Variants in CPA6 observed in about 807,000 individuals in gnomAD.
CPA6 encodes the protein carboxypeptidase B.
CPA6 carries 58 observed loss-of-function variants against 63.3 expected under a neutral mutation model. The ratio of observed to expected loss-of-function variants is 0.92; its 90% CI spans 0.74 to 1.14. The LOEUF (loss-of-function observed/expected upper bound fraction) is 1.14. Among genes scored for constraint, CPA6 ranks in the 50% most tolerant of loss-of-function variants. CPA6 has a pLI of 0.00. For synonymous variants in CPA6, 185 were observed against 179.0 expected, an observed-to-expected ratio of 1.03 and a Z score of -0.27; for missense variants, 565 against 526.6, an observed-to-expected ratio of 1.07 and a Z score of -0.71.
At chr8:67,518,429 G>A (rs748582515) in intron 2 of CPA6, among the ~76,000 whole-genome samples, 1 of 151,648 alleles carries the variant, frequency 6.6e-6, no homozygotes, top group Non-Finnish European at 1.5e-5. Flanking sequence ...TAAGAACACT[G>A]TGGTAGCTGG....
chr8:67,467,240 C>T (rs573532492), intron 8 of CPA6, among the ~76,000 whole-genome samples: 7 of 152,296 alleles, frequency 4.6e-5, no homozygotes, highest in Middle Eastern at 3.4e-3. Context: ...TCACTGTTGA[C>T]GTGTACCTGG....
intron 8 of CPA6, among the ~76,000 whole-genome samples, chr8:67,440,672 G>A (rs56078367): frequency 0.24 from 36,264 of 152,086 alleles, 4,807 homozygotes; most frequent in African/African-American, 0.35. Flanking sequence ...TGTAGATGGT[G>A]TAGCCCATTG....
intron 2 of CPA6, among the ~76,000 whole-genome samples, chr8:67,534,010 G>A (rs1437616276): frequency 6.6e-6 from 1 of 152,194 alleles, no homozygotes; most frequent in African/African-American, 2.4e-5. Context: ...GAATGGTAAG[G>A]AATTCAGGTT....
intron 2 of CPA6, among the ~76,000 whole-genome samples, chr8:67,562,905 C>G (rs759590974): frequency 1.3e-5 from 2 of 152,168 alleles, no homozygotes; most frequent in Non-Finnish European, 1.5e-5. Context: ...TGGACTAAGA[C>G]AGTTGATATC....
At chr8:67,472,581 A>C (rs1811088601) in intron 8 of CPA6, among the ~76,000 whole-genome samples, 1 of 151,922 alleles carries the variant, frequency 6.6e-6, no homozygotes, top group Non-Finnish European at 1.5e-5. Flanking sequence ...ATACGTCACC[A>C]TGCCCAACTA....
intron 1 of CPA6, among the ~76,000 whole-genome samples, chr8:67,643,745 T>C (rs987637197): frequency 4.6e-5 from 7 of 152,208 alleles, no homozygotes; most frequent in Admixed American, 2.0e-4. Context: ...CTTGCATATA[T>C]ATTCATATGT....
chr8:67,469,080 A>G (rs1402453245), intron 8 of CPA6, among the ~76,000 whole-genome samples: 1 of 152,144 alleles, frequency 6.6e-6, no homozygotes, highest in Non-Finnish European at 1.5e-5. Context: ...GTGTGAATAC[A>G]TGTGTGCGTA....
intron 2 of CPA6, among the ~76,000 whole-genome samples, chr8:67,590,228 T>G (rs1196902544): frequency 1.3e-5 from 2 of 151,974 alleles, no homozygotes; most frequent in Admixed American, 6.5e-5. Context: ...CTCATCATTT[T>G]TTATGGCTGC....
intron 2 of CPA6, among the ~76,000 whole-genome samples, chr8:67,613,666 G>C (rs2128985445): frequency 6.6e-6 from 1 of 152,318 alleles, no homozygotes; most frequent in East Asian, 1.9e-4. Flanking sequence ...GATATGGACA[G>C]GAGACCGGGA....
At chr8:67,687,888 G>A (rs1816739284) in intron 1 of CPA6, among the ~76,000 whole-genome samples, 1 of 152,170 alleles carries the variant, frequency 6.6e-6, no homozygotes, top group Non-Finnish European at 1.5e-5. Flanking sequence ...GGTTTTGTAA[G>A]ATTTAATACT....
At chr8:67,512,475 A>G (rs559460641) in intron 3 of CPA6, among the ~76,000 whole-genome samples, 2 of 152,244 alleles carry the variant, frequency 1.3e-5, no homozygotes, top group African/African-American at 4.8e-5. Flanking sequence ...ATTATAGTGA[A>G]TGCATTTGGA....
intron 1 of CPA6, among the ~76,000 whole-genome samples, chr8:67,679,143 C>T (rs1032845400): frequency 5.3e-5 from 8 of 152,138 alleles, no homozygotes; most frequent in East Asian, 1.9e-4. Context: ...GTTATGTATA[C>T]GTTCTGAGGA....
chr8:67,705,241 G>T (rs1307840310), intron 1 of CPA6, among the ~76,000 whole-genome samples: 2 of 152,118 alleles, frequency 1.3e-5, no homozygotes, highest in African/African-American at 4.8e-5. Flanking sequence ...AGGGCTGAAG[G>T]GTGCCTAGGA....
At chr8:67,441,364 C>T (rs1244921593) in intron 8 of CPA6, among the ~76,000 whole-genome samples, 2 of 152,124 alleles carry the variant, frequency 1.3e-5, no homozygotes, top group African/African-American at 2.4e-5. Flanking sequence ...GAGAACTATA[C>T]CATGTGCATG....
chr8:67,634,258 C>G (rs554546796), intron 1 of CPA6, among the ~76,000 whole-genome samples: 1 of 147,488 alleles, frequency 6.8e-6, no homozygotes, highest in African/African-American at 2.6e-5. Flanking sequence ...CTCGCTCTGT[C>G]GCCCAGGCTG....
chr8:67,610,377 TGAGAAAAAAAAAAGA>T (rs1393332616), intron 2 of CPA6, among the ~76,000 whole-genome samples: 2 of 151,486 alleles, frequency 1.3e-5, no homozygotes, highest in Non-Finnish European at 2.9e-5. Flanking sequence ...TTTTTCTCTT[TGAGAAAAAAAAAAGA>T]GAGAAAAAAA....
intron 8 of CPA6, among the ~76,000 whole-genome samples, chr8:67,450,666 G>T (rs1456575463): frequency 6.6e-6 from 1 of 152,256 alleles, no homozygotes; most frequent in Non-Finnish European, 1.5e-5. Context: ...TACGGGTGAA[G>T]ACGTGAGTGG....
chr8:67,553,518 A>G (rs949859247), intron 2 of CPA6, among the ~76,000 whole-genome samples: 2 of 152,222 alleles, frequency 1.3e-5, no homozygotes, highest in African/African-American at 4.8e-5. Context: ...CCATAGCTAT[A>G]AACTAGAAGT....
intron 9 of CPA6, among the ~76,000 whole-genome samples, chr8:67,433,164 A>T (rs1334205043): frequency 6.6e-6 from 1 of 152,232 alleles, no homozygotes; most frequent in East Asian, 1.9e-4. Context: ...ACAAACGATC[A>T]CAAATTGAAT....
Sources: allele counts gnomAD v4.1 joint callset (sites outside exome capture counted in the v4.1 genomes callset), GRCh38; gene constraint gnomAD v4.1.1; transcripts MANE v1.5; gene names NCBI Gene and HGNC (gene_info 2026-07-23, HGNC 2026-07-21).